STS: variants seen among roughly 807,000 people sequenced by gnomAD.
STS encodes steryl-sulfatase.
STS carries 7 observed loss-of-function variants against 26.8 expected under a neutral mutation model. The ratio of observed to expected loss-of-function variants is 0.26; its 90% confidence interval spans 0.15 to 0.49. The LOEUF is 0.49. Among genes scored for constraint, STS ranks in the 20% least tolerant of loss-of-function variants. STS has a pLI of 0.98. For missense variants in STS, 434 were observed against 465.6 expected, an observed-to-expected ratio of 0.93 and a Z score of 0.63; for synonymous variants, 199 against 189.4, an observed-to-expected ratio of 1.05 and a Z score of -0.42.
intron 1 of STS, among the ~76,000 whole-genome samples, chrX:7,176,395 G>A (rs923496088): frequency 3.6e-5 from 4 of 111,611 alleles, no homozygotes; most frequent in Non-Finnish European, 5.6e-5. Flanking sequence ...CAGCAGCTGG[G>A]TTTTAGAGCA....
At chrX:7,343,729 T>A (rs1928396657) in intron 10 of STS, among the ~76,000 whole-genome samples, 1 of 111,620 alleles carries the variant, frequency 9.0e-6, no homozygotes, top group Non-Finnish European at 1.9e-5. Context: ...TAGTGCGTTC[T>A]CTCTCTCTCT....
intron 1 of STS, among the ~76,000 whole-genome samples, chrX:7,173,228 T>C (rs762482404): frequency 5.4e-5 from 6 of 111,434 alleles, no homozygotes; most frequent in Non-Finnish European, 7.5e-5. Context: ...CTGAGGATAA[T>C]GGCTTCCACT....
rs544806213 is a variant in STS, at chrX:7,267,908, A to G, written c.807-8043A>G. Among the ~76,000 whole-genome samples, 4 of 112,156 alleles carry G rather than the reference A, an allele frequency of 3.6e-5. No individual in the cohort carries two copies. The South Asian group carries it at 1.5e-3, about 42-fold the overall frequency. ...ATGTAGGATAACTCTTGTTCTTTAT[A>G]GATGAATTTTTTCAGCAAAGGGTTT... On this transcript the variant is annotated intron_variant, in intron 6 of 10. Transcript: ENST00000674429.
intron 7 of STS, among the ~76,000 whole-genome samples, chrX:7,278,457 A>C (rs1159011759): frequency 8.9e-6 from 1 of 112,304 alleles, no homozygotes; most frequent in Non-Finnish European, 1.9e-5. Flanking sequence ...GGGCTGTATA[A>C]TTCTGTGGAT....
intron 8 of STS, among the ~76,000 whole-genome samples, chrX:7,323,028 C>G (rs1027582028): frequency 9.0e-6 from 1 of 111,581 alleles, no homozygotes; most frequent in Non-Finnish European, 1.9e-5. Context: ...AAGATAATAG[C>G]CATTTTTTGT....
At chrX:7,276,805 C>T (rs1924561858) in intron 7 of STS, among the ~76,000 whole-genome samples, 1 of 112,305 alleles carries the variant, frequency 8.9e-6, no homozygotes, top group African/African-American at 3.2e-5. Flanking sequence ...AACTCCTTCT[C>T]TCCCTTCCTG....
At chrX:7,271,406 A>T (rs1332300602) in intron 6 of STS, among the ~76,000 whole-genome samples, 1 of 110,712 alleles carries the variant, frequency 9.0e-6, no homozygotes, top group African/African-American at 3.3e-5. Flanking sequence ...AACTTTCCCC[A>T]TAATAAGTAG....
At chrX:7,315,662 G>GT (rs1312304036) in intron 8 of STS, among the ~76,000 whole-genome samples, 23 of 111,490 alleles carry the variant, frequency 2.1e-4, no homozygotes, top group African/African-American at 7.2e-4. Context: ...CAAATCACTG[G>GT]TGTAAGCCCA....
chrX:7,195,777 C>T (rs1212056871), intron 2 of STS, among the ~76,000 whole-genome samples: 2 of 112,140 alleles, frequency 1.8e-5, no homozygotes, highest in Admixed American at 1.9e-4. Flanking sequence ...GATTTAATTC[C>T]ACCCACTTCT....
chrX:7,152,475 G>C, intron 1 of STS, among the ~76,000 whole-genome samples: 1 of 111,100 alleles, frequency 9.0e-6, no homozygotes, highest in Non-Finnish European at 1.9e-5. Flanking sequence ...CCACCACCAT[G>C]CCTAGCTAAC....
At chrX:7,158,452 G>A (rs1186795340) in intron 1 of STS, among the ~76,000 whole-genome samples, 2 of 112,088 alleles carry the variant, frequency 1.8e-5, no homozygotes, top group Non-Finnish European at 3.8e-5. Flanking sequence ...GCAAATGGGG[G>A]TGATCCAGCT....
In STS at chrX:7,226,172, C is replaced by A. The variant is rs140488031; in HGVS notation, c.-4-27024C>A. On this transcript the variant is annotated intron_variant, in intron 2 of 10. Coordinates refer to ENST00000674429, the MANE Select transcript of STS (RefSeq NM_001320752.2). ...CTCTAATCAATACCCCAGCCAGAGA[C>A]AAACACTTTTCAGAGTTCTATCACC... is the stretch of plus-strand genomic sequence containing the variant. Among the ~76,000 whole-genome samples the A allele has an allele frequency of 5.1e-4, 57 of 112,158 alleles. No homozygotes were observed. In the East Asian group the frequency reaches 0.016, roughly 31 times the overall value.
chrX:7,263,848 A>C (rs1238429408), intron 6 of STS, among the ~76,000 whole-genome samples: 1 of 111,450 alleles, frequency 9.0e-6, no homozygotes. Context: ...TGTGCTTTAC[A>C]CACATATGTA....
At chrX:7,332,002 A>G (rs1029423346) in intron 9 of STS, among the ~76,000 whole-genome samples, 2 of 111,071 alleles carry the variant, frequency 1.8e-5, no homozygotes, top group African/African-American at 6.5e-5. Context: ...TTCATTTTTA[A>G]GTAAGAAAAA....
chrX:7,349,946 C>T lies in STS; in HGVS notation c.1422C>T (p.Asn474=), dbSNP rs755417956. 40 of 1,211,838 alleles carry T rather than the reference C, an allele frequency of 3.3e-5. No homozygotes were observed. The highest frequency in any genetic ancestry group is 2.3e-4 in the Middle Eastern group (1 of 4,355). ...FTPNFNPVGS[N]GCFATHVCFC... is the part of the protein sequence containing the mutation. The stretch of plus-strand genomic sequence containing the variant: ...CCAACTTCAACCCCGTGGGTTCCAA[C>T]GGATGCTTTGCCACACACGTGTGCT... The change falls in exon 11 of 11, where the codon AAC becomes AAT. Residue 474 remains asparagine, a synonymous_variant. Transcript: ENST00000674429.
chrX:7,184,975 A>G (rs1381039204), intron 1 of STS, among the ~76,000 whole-genome samples: 4 of 112,001 alleles, frequency 3.6e-5, no homozygotes, highest in Non-Finnish European at 1.9e-5. Flanking sequence ...TGCAATATAC[A>G]TCTGTGACCT....
At position 7,256,992 on chromosome X, in the gene STS, C is replaced by T. The variant is rs757644040; in HGVS notation, c.138-250C>T. ...CAGAGCTGGGCACAGTGGCTCACGC[C>T]TGTAATCCCAGCAATTTGGGAGGCT... is the stretch of plus-strand genomic sequence containing the variant. On this transcript the variant is annotated intron_variant, in intron 3 of 10. Coordinates refer to ENST00000674429, the MANE Select transcript of STS (RefSeq NM_001320752.2). 6.2e-5 allele frequency among the ~76,000 whole-genome samples: 7 copies of T among 112,256 alleles called. No individual in the cohort carries two copies. In the South Asian group the frequency reaches 2.6e-3, roughly 41 times the overall value.
chrX:7,152,012 G>A lies in STS; in HGVS notation c.-134+3929G>A, dbSNP rs190802186. Among the ~76,000 whole-genome samples, 5 of 111,236 alleles carry A rather than the reference G, an allele frequency of 4.5e-5. No homozygotes were observed. The East Asian group carries it at 1.4e-3, about 31-fold the overall frequency. The stretch of plus-strand genomic sequence containing the variant: ...CTTTCGCCCAGGCTGGAGTACAGTG[G>A]CACGATCTTGGCTCACTGCAAGCTC... On this transcript the variant is annotated intron_variant, in intron 1 of 10. Coordinates refer to ENST00000674429, the MANE Select transcript of STS (RefSeq NM_001320752.2).
intron 6 of STS, among the ~76,000 whole-genome samples, chrX:7,266,919 A>T (rs1240242135): frequency 9.0e-6 from 1 of 111,344 alleles, no homozygotes; most frequent in Non-Finnish European, 1.9e-5. Flanking sequence ...TGTTTTGTGC[A>T]CCTCCCACAC....
Sources: allele counts gnomAD v4.1 joint callset (sites outside exome capture counted in the v4.1 genomes callset), GRCh38; gene constraint gnomAD v4.1.1; transcripts MANE v1.5; gene names NCBI Gene and HGNC (gene_info 2026-07-23, HGNC 2026-07-21).